The following PXYLP1 variants were observed in gnomAD, a reference collection of about 807,000 sequenced individuals.
PXYLP1 encodes acid phosphatase-like 2.
PXYLP1 carries 17 observed loss-of-function variants against 37.9 expected under a neutral mutation model. The observed-to-expected ratio is 0.45, with a 90% CI of 0.31 to 0.67. The LOEUF (loss-of-function observed/expected upper bound fraction) is 0.67, where lower values mean the gene tolerates loss of function less well. Ranked by LOEUF, PXYLP1 falls within the 30% of genes least tolerant of loss-of-function variation. The pLI is 0.07. For missense variants in PXYLP1, 511 were observed against 612.0 expected (o/e 0.84, Z 1.74); for synonymous variants, 221 against 232.2 (o/e 0.95, Z 0.44).
In PXYLP1 at chr3:141,242,817, C is replaced by T. The variant is rs1009217653; in HGVS notation, c.-54+10906C>T. Among the ~76,000 whole-genome samples the T allele has an allele frequency of 3.3e-5, 5 of 152,162 alleles. No individual in the cohort carries two copies. In the South Asian group the frequency reaches 1.0e-3, roughly 32 times the overall value. ...GATCTCATCTAATCCCCTCCATGCC[C>T]CCTGAGGCAGGCAGCAATATTACAC... On this transcript the variant is annotated intron_variant, in intron 1 of 5. Coordinates refer to ENST00000286353, the MANE Select transcript of PXYLP1 (RefSeq NM_001037172.3).
intron 1 of PXYLP1, among the ~76,000 whole-genome samples, chr3:141,257,634 G>A (rs1016284912): frequency 9.2e-5 from 14 of 152,120 alleles, no homozygotes; most frequent in Admixed American, 2.0e-4. Context: ...AGTGTCAGCC[G>A]GGCACAGTGG....
Position 141,293,041 on chromosome 3 carries a change from G to A in PXYLP1, c.1279G>A (p.Asp427Asn), listed in dbSNP as rs138346033. 3.7e-6 allele frequency: 6 copies of A among 1,614,034 alleles called. No homozygotes were observed. Among genetic ancestry groups the A allele is most frequent in the African/African-American group, 1.3e-5 (1 of 74,898 alleles). The change falls in exon 6 of 6, where the codon GAT (aspartate) becomes AAT (asparagine). Residue 427 changes from aspartate (D) to asparagine (N), a missense_variant. Physicochemically the swap from Asp to Asn is conservative, Grantham distance 23. Transcript: ENST00000286353. ...CGTCCGGATTCTTTACAATGGCGTC[G>A]ATGTCACATTCCACACCTCTTTCTG... is the stretch of plus-strand genomic sequence containing the variant. ...HSVRILYNGVDVTFHTSFCQD... is the reference protein window; with the variant it reads ...HSVRILYNGVNVTFHTSFCQD...
At chr3:141,269,514 T>G (rs567754581) in intron 2 of PXYLP1, among the ~76,000 whole-genome samples, 1 of 152,324 alleles carries the variant, frequency 6.6e-6, no homozygotes, top group Non-Finnish European at 1.5e-5. Context: ...CATCTCTTCT[T>G]GAGTGTTGAA....
At chr3:141,255,605 GA>G (rs1159353087) in intron 1 of PXYLP1, among the ~76,000 whole-genome samples, 2 of 152,266 alleles carry the variant, frequency 1.3e-5, no homozygotes, top group Non-Finnish European at 2.9e-5. Context: ...TCTGGGCTCA[GA>G]ATCCTGGCTG....
At chr3:141,285,838 A>G (rs555834124) in intron 4 of PXYLP1, among the ~76,000 whole-genome samples, 34 of 152,328 alleles carry the variant, frequency 2.2e-4, no homozygotes, top group African/African-American at 8.2e-4. Flanking sequence ...AGGCAAAATA[A>G]CGTACCCTGT....
intron 1 of PXYLP1, among the ~76,000 whole-genome samples, chr3:141,242,766 A>C (rs1298633379): frequency 6.6e-6 from 1 of 152,182 alleles, no homozygotes; most frequent in Non-Finnish European, 1.5e-5. Context: ...GAACGAAATC[A>C]TGACTGTCTT....
intron 2 of PXYLP1, among the ~76,000 whole-genome samples, chr3:141,269,460 T>A (rs1049572205): frequency 6.9e-6 from 1 of 144,926 alleles, no homozygotes; most frequent in Admixed American, 7.0e-5. Flanking sequence ...GATGAACTCA[T>A]GTTTTTTATG....
intron 1 of PXYLP1, chr3:141,258,861 C>T (rs1941325035): frequency 6.6e-6 from 1 of 152,196 alleles, no homozygotes; most frequent in Admixed American, 6.5e-5. Context: ...TGTTTGTTAA[C>T]AGAGATGCTG....
chr3:141,237,530 A>G (rs1441800655), intron 1 of PXYLP1, among the ~76,000 whole-genome samples: 2 of 152,250 alleles, frequency 1.3e-5, no homozygotes, highest in East Asian at 1.9e-4. Flanking sequence ...TTGGGTGGTG[A>G]TAATAATACC....
intron 2 of PXYLP1, among the ~76,000 whole-genome samples, chr3:141,277,371 G>A (rs964420275): frequency 2.6e-5 from 4 of 152,184 alleles, no homozygotes; most frequent in Admixed American, 6.5e-5. Flanking sequence ...CTGAAAGTAT[G>A]ACTATACTGT....
chr3:141,257,807 A>G (rs1442419277), intron 1 of PXYLP1, among the ~76,000 whole-genome samples: 1 of 151,350 alleles, frequency 6.6e-6, no homozygotes, highest in Admixed American at 6.6e-5. Context: ...AGGAGGCTGA[A>G]GCAGGAGAAT....
At chr3:141,274,522 C>T (rs1331443920) in intron 2 of PXYLP1, 3 of 1,482,366 alleles carry the variant, frequency 2.0e-6, no homozygotes, top group South Asian at 2.4e-5. Context: ...TTTGGATGCC[C>T]CTCACCCCAG....
In PXYLP1 at chr3:141,231,945, G is replaced by C. The variant is rs1379867971; in HGVS notation, c.-54+34G>C. The C allele has an allele frequency of 6.6e-6, 1 of 152,564 alleles. No individual in the cohort carries two copies. The highest frequency in any genetic ancestry group is 6.6e-5 in the Admixed American group (1 of 15,264). 9.5% of individuals were successfully genotyped at this position (152,564 alleles called of 1,614,324 possible). A position where few individuals can be genotyped will look rare whatever the true frequency, so the allele number is the denominator to read the frequency against. ...GGCGCGGGCCTGGGCCGGGGCGGTT[G>C]CCGTTGGGGCCGAGCAGCGCAGAGG... is the stretch of plus-strand genomic sequence containing the variant. On this transcript the variant is annotated intron_variant, in intron 1 of 5. Coordinates refer to ENST00000286353, the MANE Select transcript of PXYLP1 (RefSeq NM_001037172.3). This position sits in a 1 kb window ranked among gnomAD's most constrained non-coding sequence, Gnocchi z 4.4.
At chr3:141,283,410 G>A (rs923315587) in intron 4 of PXYLP1, among the ~76,000 whole-genome samples, 1 of 152,120 alleles carries the variant, frequency 6.6e-6, no homozygotes, top group African/African-American at 2.4e-5. Context: ...TGAGGAGTGA[G>A]GGATGGGCCA....
At chr3:141,264,220 G>A (rs1322274505) in intron 2 of PXYLP1, among the ~76,000 whole-genome samples, 3 of 151,962 alleles carry the variant, frequency 2.0e-5, no homozygotes, top group African/African-American at 7.3e-5. Flanking sequence ...TGAGAGTGAG[G>A]GTTGCTGTCA....
chr3:141,279,092 G>T (rs1941878709), intron 3 of PXYLP1, among the ~76,000 whole-genome samples: 1 of 152,212 alleles, frequency 6.6e-6, no homozygotes, highest in African/African-American at 2.4e-5. Context: ...GGCCACATTA[G>T]TAGTCATGCC....
intron 2 of PXYLP1, among the ~76,000 whole-genome samples, chr3:141,264,012 A>G (rs1447497303): frequency 6.6e-5 from 10 of 151,448 alleles, no homozygotes; most frequent in Non-Finnish European, 1.0e-4. Flanking sequence ...TAGATCACGC[A>G]TGCATTTGTT....
In PXYLP1 at chr3:141,287,457, TG is replaced by T. The variant is rs1163397460; in HGVS notation, c.505+5del. ...ATGGGAGAGCTCACACAGACAGGTATGTGTGACCCCCATGCGCTCAGGGGTT... is the reference window on the plus strand; with the variant it reads ...ATGGGAGAGCTCACACAGACAGGTATTGTGACCCCCATGCGCTCAGGGGTT... On this transcript the variant is annotated splice_donor_5th_base_variant and intron_variant, in intron 5 of 5. Transcript: ENST00000286353. The T allele has an allele frequency of 6.2e-7, 1 of 1,613,760 alleles. No individual in the cohort carries two copies. Among genetic ancestry groups the T allele is most frequent in the South Asian group, 1.1e-5 (1 of 91,052 alleles).
chr3:141,235,691 G>A (rs759932081), intron 1 of PXYLP1: 2 of 152,260 alleles, frequency 1.3e-5, no homozygotes, highest in Admixed American at 6.5e-5. Context: ...TGAACCTGCT[G>A]TGCAGCCTTG....
Sources: gnomAD v4.1 joint callset for allele counts (sites outside exome capture counted in the v4.1 genomes callset) on GRCh38, gnomAD v4.1.1 for gene constraint, Gnocchi (gnomAD v3.1) non-coding constraint, MANE v1.5 for transcripts, NCBI Gene and HGNC (gene_info 2026-07-23, HGNC 2026-07-21) for gene names.